The following EHHADH variants were observed in gnomAD, a reference collection of about 807,000 sequenced individuals.
The protein encoded by EHHADH is peroxisomal bifunctional enzyme.
A neutral mutation model predicts 64.4 loss-of-function variants in EHHADH; 48 were observed. The ratio of observed to expected loss-of-function variants is 0.75; its 90% CI spans 0.59 to 0.95. The LOEUF is 0.95. EHHADH is among the 40% of genes least tolerant of loss of function. The pLI, the probability that EHHADH is intolerant of heterozygous loss-of-function variation, is 0.00. For synonymous variants in EHHADH, 308 were observed against 326.7 expected, an observed-to-expected ratio of 0.94 and a Z score of 0.62; for missense variants, 854 against 876.6, an observed-to-expected ratio of 0.97 and a Z score of 0.33.
chr3:185,246,642 G>A (rs372220709), intron 2 of EHHADH, among the ~76,000 whole-genome samples: 7 of 152,134 alleles, frequency 4.6e-5, no homozygotes, highest in East Asian at 3.8e-4. Flanking sequence ...ATTGCTTGGT[G>A]CCTTCTCTTC....
rs1020386622 is a variant in EHHADH, at chr3:185,216,939, C to T, written c.568+1197G>A. 1.3e-5 allele frequency among the ~76,000 whole-genome samples: 2 copies of T among 152,142 alleles called. No homozygotes were observed. Among genetic ancestry groups the T allele is most frequent in the African/African-American group, 4.8e-5 (2 of 41,428 alleles). The stretch of plus-strand genomic sequence containing the variant: ...ACAAACAAAAAAACCTCTGTGAGTG[C>T]CACTGAAAGAACTCTGAAAGGAACA... On this transcript the variant is annotated intron_variant, in intron 5 of 6. Coordinates refer to ENST00000231887, the MANE Select transcript of EHHADH (RefSeq NM_001966.4). The surrounding 1 kb of genome is among the most constrained non-coding windows in gnomAD (Gnocchi z 5.3).
chr3:185,198,347 T>C (rs1318387593), intron 6 of EHHADH, among the ~76,000 whole-genome samples: 6 of 151,638 alleles, frequency 4.0e-5, no homozygotes, highest in Non-Finnish European at 2.9e-5. Context: ...GCCTCCGGAG[T>C]AGCTGGGATT....
intron 2 of EHHADH, among the ~76,000 whole-genome samples, chr3:185,241,499 G>A (rs557761504): frequency 1.4e-4 from 21 of 152,156 alleles, no homozygotes; most frequent in Admixed American, 2.6e-4. Context: ...CCATTCTTGC[G>A]GGAGTAAGGT....
intron 3 of EHHADH, among the ~76,000 whole-genome samples, chr3:185,233,501 A>G (rs985863136): frequency 2.0e-5 from 3 of 152,248 alleles, no homozygotes; most frequent in Admixed American, 2.0e-4. Flanking sequence ...CTTCCTTATC[A>G]GTAATTACAT....
At chr3:185,212,131 G>A (rs1313311757) in intron 5 of EHHADH, among the ~76,000 whole-genome samples, 1 of 152,210 alleles carries the variant, frequency 6.6e-6, no homozygotes, top group East Asian at 1.9e-4. Flanking sequence ...ACATGCACAT[G>A]AGAACAGGAG....
intron 2 of EHHADH, chr3:185,245,478 G>A: frequency 9.8e-7 from 1 of 1,019,558 alleles, no homozygotes; most frequent in South Asian, 1.6e-5. Context: ...CTTTGGCACA[G>A]GGCTGTGCTC....
intron 4 of EHHADH, among the ~76,000 whole-genome samples, chr3:185,228,678 CA>C (rs1210156863): frequency 2.0e-5 from 3 of 150,318 alleles, no homozygotes; most frequent in Non-Finnish European, 4.4e-5. Flanking sequence ...AACTCCGTCT[CA>C]AAAAAAAGAA....
chr3:185,213,894 A>AAAT (rs397954723), intron 5 of EHHADH, among the ~76,000 whole-genome samples: 1 of 149,228 alleles, frequency 6.7e-6, no homozygotes, highest in Non-Finnish European at 1.5e-5. Context: ...AAAAAAAAAA[A>AAAT]GAAAAAAAGA....
chr3:185,243,692 A>C (rs1217794634), intron 2 of EHHADH, among the ~76,000 whole-genome samples: 1 of 152,244 alleles, frequency 6.6e-6, no homozygotes, highest in Non-Finnish European at 1.5e-5. Context: ...TATAATATGA[A>C]ACGATACTTG....
intron 2 of EHHADH, 120 bp downstream of exon 2, chr3:185,248,294 C>T: frequency 1.3e-6 from 1 of 770,084 alleles, no homozygotes; most frequent in Non-Finnish European, 2.3e-6. Flanking sequence ...CATTCTCACT[C>T]AAGTCTGCCA....
chr3:185,222,945 T>A (rs1718873881), intron 4 of EHHADH, among the ~76,000 whole-genome samples: 1 of 152,226 alleles, frequency 6.6e-6, no homozygotes, highest in Non-Finnish European at 1.5e-5. Context: ...AGGATTCTAT[T>A]TTCTGGAAGT....
intron 5 of EHHADH, among the ~76,000 whole-genome samples, chr3:185,215,757 A>G (rs1476931747): frequency 2.0e-5 from 3 of 152,206 alleles, no homozygotes; most frequent in East Asian, 1.9e-4. Flanking sequence ...ACAAAACAAA[A>G]GCAAAAATCA....
chr3:185,244,304 A>G (rs1276893817), intron 2 of EHHADH, among the ~76,000 whole-genome samples: 1 of 152,080 alleles, frequency 6.6e-6, no homozygotes, highest in African/African-American at 2.4e-5. Context: ...TTGCCTGTCT[A>G]TATGTTTAAG....
intron 6 of EHHADH, among the ~76,000 whole-genome samples, chr3:185,193,950 T>G (rs1351903105): frequency 6.6e-6 from 1 of 152,188 alleles, no homozygotes; most frequent in Non-Finnish European, 1.5e-5. Flanking sequence ...GGAAAAACAT[T>G]AAATGTTTTT....
intron 2 of EHHADH, among the ~76,000 whole-genome samples, chr3:185,236,443 G>A (rs1021338802): frequency 1.5e-5 from 2 of 137,452 alleles, no homozygotes; most frequent in Admixed American, 1.7e-4. Context: ...ACCAGTCCCT[G>A]GTACCAAAAA....
intron 5 of EHHADH, among the ~76,000 whole-genome samples, chr3:185,210,094 G>A (rs1278129656): frequency 1.3e-5 from 2 of 152,168 alleles, no homozygotes; most frequent in African/African-American, 2.4e-5. Flanking sequence ...AGGCACAAGC[G>A]GAGGAGGAAG....
intron 4 of EHHADH, among the ~76,000 whole-genome samples, chr3:185,221,232 C>T (rs1718824372): frequency 6.6e-6 from 1 of 152,188 alleles, no homozygotes; most frequent in Admixed American, 6.5e-5. Flanking sequence ...AATTTACAGA[C>T]TCATTTTACA....
intron 2 of EHHADH, among the ~76,000 whole-genome samples, chr3:185,237,466 G>A (rs549062653): frequency 3.9e-5 from 6 of 152,188 alleles, no homozygotes; most frequent in Middle Eastern, 3.4e-3. Context: ...CTTTCAATTC[G>A]CCATTTTGTT....
chr3:185,249,825 T>G (rs1045405436), intron 1 of EHHADH, among the ~76,000 whole-genome samples: 14 of 152,242 alleles, frequency 9.2e-5, no homozygotes, highest in Non-Finnish European at 1.9e-4. Context: ...CAGCCTGCTT[T>G]ACAGTAAGGT....
Sources: gnomAD v4.1 joint callset for allele counts (sites outside exome capture counted in the v4.1 genomes callset) on GRCh38, gnomAD v4.1.1 for gene constraint, Gnocchi (gnomAD v3.1) non-coding constraint, MANE v1.5 for transcripts, NCBI Gene and HGNC (gene_info 2026-07-23, HGNC 2026-07-21) for gene names.